The following KIAA1958 variants were observed in gnomAD, a reference collection of about 807,000 sequenced individuals.
KIAA1958 encodes the protein KIAA1958, also known as uncharacterized protein KIAA1958.
In KIAA1958, 14 loss-of-function variants were observed where a neutral mutation model predicts 47.2. That is an observed-to-expected ratio of 0.30 (90% CI 0.20 to 0.46). The LOEUF (loss-of-function observed/expected upper bound fraction) is 0.46, where lower values mean the gene tolerates loss of function less well. Among genes scored for constraint, KIAA1958 ranks in the 20% least tolerant of loss-of-function variants. KIAA1958 has a pLI of 1.00. For synonymous variants in KIAA1958, 354 were observed against 353.3 expected, an observed-to-expected ratio of 1.00 and a Z score of -0.02; for missense variants, 803 against 909.2, an observed-to-expected ratio of 0.88 and a Z score of 1.50.
chr9:112,539,345 G>A (rs1834903181), intron 1 of KIAA1958, among the ~76,000 whole-genome samples: 1 of 152,222 alleles, frequency 6.6e-6, no homozygotes, highest in Non-Finnish European at 1.5e-5. Flanking sequence ...CCACACAATG[G>A]AATATTATTT....
At position 112,662,348 on chromosome 9, in the gene KIAA1958, T is replaced by C. The variant is rs187018816; in HGVS notation, c.*2279T>C. The stretch of plus-strand genomic sequence containing the variant: ...AACAAGAGTGAGGAAGAAAACACAG[T>C]CATCAAGTGCCAGCGTGTGCCACCC... On this transcript the variant is annotated 3_prime_UTR_variant, in exon 4 of 4. Coordinates refer to ENST00000337530, the MANE Select transcript of KIAA1958 (RefSeq NM_133465.4). The C allele has an allele frequency of 5.9e-5, 9 of 152,368 alleles. No individual in the cohort carries two copies. The East Asian group carries it at 1.5e-3, about 26-fold the overall frequency. The allele number at this position is 152,368 out of a possible 1,614,324, so 9.4% of individuals were successfully genotyped here.
chr9:112,560,556 C>T (rs556987768), intron 1 of KIAA1958, among the ~76,000 whole-genome samples: 8 of 152,086 alleles, frequency 5.3e-5, no homozygotes, highest in Middle Eastern at 3.4e-3. Flanking sequence ...TTTCCACGAC[C>T]GTAGAAATTA....
chr9:112,659,007 A>C (rs1486187818), intron 3 of KIAA1958, among the ~76,000 whole-genome samples: 10 of 141,124 alleles, frequency 7.1e-5, no homozygotes, highest in South Asian at 7.1e-4. Context: ...GCGACAGAGC[A>C]AGACTCTGAC....
At chr9:112,546,034 G>A (rs1835026500) in intron 1 of KIAA1958, among the ~76,000 whole-genome samples, 1 of 151,722 alleles carries the variant, frequency 6.6e-6, no homozygotes, top group Non-Finnish European at 1.5e-5. Context: ...TTTGAGGCTG[G>A]CAAATTTGTG....
At chr9:112,541,717 A>G (rs1489921278) in intron 1 of KIAA1958, among the ~76,000 whole-genome samples, 3 of 152,088 alleles carry the variant, frequency 2.0e-5, no homozygotes, top group African/African-American at 4.8e-5. Context: ...TGAGGATTCA[A>G]TTGCTTGAAC....
intron 2 of KIAA1958, among the ~76,000 whole-genome samples, chr9:112,584,354 T>C (rs1835786707): frequency 6.6e-6 from 1 of 152,232 alleles, no homozygotes; most frequent in African/African-American, 2.4e-5. Flanking sequence ...CTAGCTGGTA[T>C]TCCGTATACT....
At chr9:112,563,083 C>CTATATA (rs763563196) in intron 1 of KIAA1958, among the ~76,000 whole-genome samples, 109 of 63,330 alleles carry the variant, frequency 1.7e-3, no homozygotes, top group African/African-American at 5.4e-3. Context: ...CTCTCTCTCT[C>CTATATA]TCTATATATA....
chr9:112,650,957 A>T (rs1837046648), intron 3 of KIAA1958, among the ~76,000 whole-genome samples: 1 of 152,240 alleles, frequency 6.6e-6, no homozygotes, highest in Non-Finnish European at 1.5e-5. Context: ...TTTCATAGTG[A>T]TAAAAACATC....
At chr9:112,595,867 C>T (rs1318769874) in intron 2 of KIAA1958, among the ~76,000 whole-genome samples, 3 of 151,502 alleles carry the variant, frequency 2.0e-5, no homozygotes, top group Non-Finnish European at 4.4e-5. Context: ...CTCACCGCAA[C>T]GTCCGCCTCC....
Position 112,574,245 on chromosome 9 carries a change from T to C in KIAA1958, c.165T>C (p.Ala55=), listed in dbSNP as rs773669501. The C allele has an allele frequency of 6.2e-7, 1 of 1,614,094 alleles. No individual in the cohort carries two copies. Among genetic ancestry groups the C allele is most frequent in the East Asian group, 2.2e-5 (1 of 44,884 alleles). The change falls in exon 2 of 4, where the codon GCT becomes GCC. Residue 55 remains alanine, a synonymous_variant. Transcript: ENST00000337530. ...TAMWGCSAGH[A]YHWPLTATCR... ...TGTGGGGCTGTAGTGCTGGCCATGC[T>C]TATCACTGGCCACTAACAGCTACTT... is the stretch of plus-strand genomic sequence containing the variant.
At chr9:112,496,732 T>G (rs924641325) in intron 1 of KIAA1958, among the ~76,000 whole-genome samples, 6 of 152,192 alleles carry the variant, frequency 3.9e-5, no homozygotes, top group African/African-American at 1.4e-4. Flanking sequence ...TAGGTTCTTG[T>G]GGTCTCGCGT....
chr9:112,529,133 CCTT>C (rs1465124542), intron 1 of KIAA1958, among the ~76,000 whole-genome samples: 6 of 152,058 alleles, frequency 3.9e-5, no homozygotes, highest in African/African-American at 1.4e-4. Flanking sequence ...CAATTCCCTG[CCTT>C]CTTTTATTTA....
chr9:112,610,856 A>G (rs1046133302), intron 2 of KIAA1958, among the ~76,000 whole-genome samples: 1 of 152,244 alleles, frequency 6.6e-6, no homozygotes, highest in African/African-American at 2.4e-5. Flanking sequence ...ATAAAGTATT[A>G]ACATGCAGAA....
At chr9:112,496,802 A>AG (rs1416200633) in intron 1 of KIAA1958, among the ~76,000 whole-genome samples, 6 of 152,206 alleles carry the variant, frequency 3.9e-5, no homozygotes, top group African/African-American at 1.4e-4. Context: ...CACTTAAAAA[A>AG]GATCCTCTCT....
intron 2 of KIAA1958, among the ~76,000 whole-genome samples, chr9:112,612,740 A>G (rs1327026175): frequency 6.6e-6 from 1 of 152,208 alleles, no homozygotes; most frequent in African/African-American, 2.4e-5. Flanking sequence ...CGGTAGCAAT[A>G]TAGCAGTTCC....
At chr9:112,531,154 C>T (rs960768272) in intron 1 of KIAA1958, among the ~76,000 whole-genome samples, 1 of 152,026 alleles carries the variant, frequency 6.6e-6, no homozygotes, top group African/African-American at 2.4e-5. Context: ...TTTGGGAGGC[C>T]GAGGCAGGCG....
At chr9:112,488,571 TA>T (rs994711878) in intron 1 of KIAA1958, among the ~76,000 whole-genome samples, 1 of 152,114 alleles carries the variant, frequency 6.6e-6, no homozygotes, top group African/African-American at 2.4e-5. Context: ...GTCTGACAGT[TA>T]CCCAGGAGAT....
At chr9:112,634,591 A>AT (rs1836771590) in intron 2 of KIAA1958, among the ~76,000 whole-genome samples, 1 of 152,158 alleles carries the variant, frequency 6.6e-6, no homozygotes, top group Admixed American at 6.5e-5. Flanking sequence ...TTTTTAAAAA[A>AT]TTTTTAAGTT....
chr9:112,600,084 A>C (rs906006477), intron 2 of KIAA1958, among the ~76,000 whole-genome samples: 1 of 152,220 alleles, frequency 6.6e-6, no homozygotes, highest in Non-Finnish European at 1.5e-5. Context: ...AGTGCTTCTT[A>C]TTGTGATTAA....
Sources: gnomAD v4.1 joint callset for allele counts (sites outside exome capture counted in the v4.1 genomes callset) on GRCh38, gnomAD v4.1.1 for gene constraint, MANE v1.5 for transcripts, NCBI Gene and HGNC (gene_info 2026-07-23, HGNC 2026-07-21) for gene names.